The following USP24 variants were observed in gnomAD, a reference collection of about 807,000 sequenced individuals.
The protein encoded by USP24 is ubiquitin specific peptidase 24, also known as ubiquitin carboxyl-terminal hydrolase 24.
A neutral mutation model predicts 361.6 loss-of-function variants in USP24; 97 were observed. That is an observed-to-expected ratio of 0.27 (90% CI 0.23 to 0.32). The LOEUF (loss-of-function observed/expected upper bound fraction) is 0.32, where lower values mean the gene tolerates loss of function less well. USP24 is among the 10% of genes least tolerant of loss of function. The probability of loss-of-function intolerance (pLI) is 1.00; values close to 1 mark genes in which losing one functional copy is unlikely to be tolerated. For missense variants in USP24, 2,353 were observed against 3,165.6 expected, an observed-to-expected ratio of 0.74 and a Z score of 6.16; for synonymous variants, 1,098 against 1,124.6, an observed-to-expected ratio of 0.98 and a Z score of 0.47.
At chr1:55,108,211 G>A (rs954353684) in intron 39 of USP24, among the ~76,000 whole-genome samples, 1 of 152,162 alleles carries the variant, frequency 6.6e-6, no homozygotes, top group Non-Finnish European at 1.5e-5. Flanking sequence ...CAGAGTCCAG[G>A]TTTCTAAACA....
At chr1:55,073,752 ACATGTTCCCCTTCTGCT>A in intron 64 of USP24, 59 bp downstream of exon 64, 1 of 1,377,244 alleles carries the variant, frequency 7.3e-7, no homozygotes, top group Non-Finnish European at 1.0e-6. Flanking sequence ...AAAACCGGGC[ACATGTTCCCCTTCTGCT>A]CATATGTGAC....
At chr1:55,165,494 TTA>T (rs1648739601) in intron 7 of USP24, among the ~76,000 whole-genome samples, 1 of 152,162 alleles carries the variant, frequency 6.6e-6, no homozygotes. Flanking sequence ...AACAACTCTG[TTA>T]AAAGTATTTT....
At chr1:55,129,340 T>C in intron 32 of USP24, 137 bp downstream of exon 32, 1 of 591,796 alleles carries the variant, frequency 1.7e-6, no homozygotes, top group Non-Finnish European at 2.9e-6. Context: ...GACTGAAACA[T>C]CATTCCTTCT....
chr1:55,107,470 A>C, intron 39 of USP24, 40 bp from the exon 40 acceptor site: 1 of 1,504,876 alleles, frequency 6.6e-7, no homozygotes, highest in Non-Finnish European at 8.8e-7. Flanking sequence ...AGAAAGAAGG[A>C]TTTCCCTTTA....
At chr1:55,165,759 T>C (rs1047112424) in intron 7 of USP24, 126 bp downstream of exon 7, 49 of 676,636 alleles carry the variant, frequency 7.2e-5, no homozygotes, top group Admixed American at 4.0e-4. Flanking sequence ...CCGTGGAATC[T>C]GCTCCTCTAA....
chr1:55,177,462 C>G (rs926449865), intron 2 of USP24, among the ~76,000 whole-genome samples: 1 of 152,076 alleles, frequency 6.6e-6, no homozygotes, highest in Non-Finnish European at 1.5e-5. Flanking sequence ...ACACCATATT[C>G]TGGCCATATT....
At chr1:55,201,252 T>C (rs1234100305) in intron 1 of USP24, among the ~76,000 whole-genome samples, 1 of 152,188 alleles carries the variant, frequency 6.6e-6, no homozygotes, top group Non-Finnish European at 1.5e-5. Context: ...TAGTATCTCC[T>C]GTGTCAAGTG....
rs1404063139 is a variant in USP24 at position 55,098,056 on chromosome 1, G to C, written c.5482C>G (p.Leu1828Val). 2 of 1,609,738 alleles carry C rather than the reference G, an allele frequency of 1.2e-6. No individual in the cohort carries two copies. Among genetic ancestry groups the C allele is most frequent in the Non-Finnish European group, 1.7e-6 (2 of 1,178,732 alleles). ...TGACAAGAAGTCACTCCTAGATTGA[G>C]AGCCATGAAAGCTTCTTCACGCTCA... is the stretch of plus-strand genomic sequence containing the variant. ...RYEREEAFMALNLGVTSCQSL... is the reference protein window; with the variant it reads ...RYEREEAFMAVNLGVTSCQSL... The change falls in exon 47 of 68, where the codon CTC (leucine) becomes GTC (valine). Residue 1828 changes from leucine (L) to valine (V), a missense_variant. Physicochemically the swap from Leu to Val is conservative, Grantham distance 32. This residue lies in a region of USP24 where 105 missense variants were observed against 200.3 expected (regional missense o/e 0.52). Coordinates refer to ENST00000294383, the MANE Select transcript of USP24 (RefSeq NM_015306.3).
chr1:55,198,262 G>T (rs185467047), intron 1 of USP24, among the ~76,000 whole-genome samples: 1 of 151,980 alleles, frequency 6.6e-6, no homozygotes, highest in African/African-American at 2.4e-5. Flanking sequence ...GATTACAGGC[G>T]TGTGCCACCA....
chr1:55,131,531 TC>T (rs1646591423), intron 31 of USP24, among the ~76,000 whole-genome samples: 1 of 152,200 alleles, frequency 6.6e-6, no homozygotes. Flanking sequence ...AAATATTTTT[TC>T]TTTTTAGACC....
chr1:55,077,957 C>T (rs1178803442), intron 61 of USP24, among the ~76,000 whole-genome samples: 1 of 152,112 alleles, frequency 6.6e-6, no homozygotes, highest in Non-Finnish European at 1.5e-5. Flanking sequence ...TAGTAAATAG[C>T]AAAGAGAGGA....
At chr1:55,107,166 C>A (rs1329676237) in intron 40 of USP24, 73 bp downstream of exon 40, 3 of 1,470,778 alleles carry the variant, frequency 2.0e-6, no homozygotes, top group Non-Finnish European at 2.7e-6. Flanking sequence ...TCTTATTTTC[C>A]CACTTACACA....
At chr1:55,201,674 A>G (rs1263906768) in intron 1 of USP24, among the ~76,000 whole-genome samples, 1 of 150,848 alleles carries the variant, frequency 6.6e-6, no homozygotes, top group Non-Finnish European at 1.5e-5. Flanking sequence ...CAATGCAATG[A>G]GATAAATGCT....
At chr1:55,146,216 C>T (rs2100708468) in intron 19 of USP24, 107 bp from the exon 20 acceptor site, 1 of 713,960 alleles carries the variant, frequency 1.4e-6, no homozygotes, top group Non-Finnish European at 2.3e-6. Context: ...AATGTTTATA[C>T]TGTCAAAATA....
intron 3 of USP24, among the ~76,000 whole-genome samples, chr1:55,173,235 T>G (rs1429205736): frequency 6.6e-6 from 1 of 152,220 alleles, no homozygotes; most frequent in Non-Finnish European, 1.5e-5. Flanking sequence ...CATTTTCCTT[T>G]TTGGTATGTA....
At chr1:55,095,197 A>G in intron 51 of USP24, 58 bp downstream of exon 51, 1 of 1,570,758 alleles carries the variant, frequency 6.4e-7, no homozygotes, top group Non-Finnish European at 8.6e-7. Context: ...GTATATTGTC[A>G]CAGACCACAT....
At chr1:55,128,836 T>G (rs908855066) in intron 32 of USP24, among the ~76,000 whole-genome samples, 18 of 151,708 alleles carry the variant, frequency 1.2e-4, no homozygotes, top group African/African-American at 3.9e-4. Flanking sequence ...CACCTCAGTG[T>G]CCCAAGTAGT....
At chr1:55,125,786 T>C (rs1646411777) in intron 32 of USP24, 28 bp from the exon 33 acceptor site, 11 of 1,515,480 alleles carry the variant, frequency 7.3e-6, no homozygotes, top group Non-Finnish European at 9.8e-6. Flanking sequence ...AAAGGCAGGA[T>C]ATTAAAGACT....
intron 34 of USP24, 104 bp from the exon 35 acceptor site, chr1:55,124,732 C>T: frequency 8.0e-7 from 1 of 1,250,366 alleles, no homozygotes; most frequent in East Asian, 2.5e-5. Context: ...TCCTTTCCCT[C>T]CAAGGTCATC....
Sources: gnomAD v4.1 joint callset for allele counts (sites outside exome capture counted in the v4.1 genomes callset) on GRCh38, gnomAD v4.1.1 for gene constraint, gnomAD v4.1.1 regional missense constraint, MANE v1.5 for transcripts, NCBI Gene and HGNC (gene_info 2026-07-23, HGNC 2026-07-21) for gene names.